The following RPS28 variants were observed in gnomAD, a reference collection of about 807,000 sequenced individuals.
RPS28 encodes ribosomal protein S28, also known as small ribosomal subunit protein eS28.
RPS28 carries 2 observed loss-of-function variants against 9.4 expected under a neutral mutation model. The ratio of observed to expected loss-of-function variants is 0.21; its 90% CI spans 0.09 to 0.67. The LOEUF is 0.67. Among genes scored for constraint, RPS28 ranks in the 30% least tolerant of loss-of-function variants. The probability of loss-of-function intolerance (pLI) is 0.82; values close to 1 mark genes in which losing one functional copy is unlikely to be tolerated. For missense variants in RPS28, 35 were observed against 95.3 expected (o/e 0.37, Z 2.63); for synonymous variants, 41 against 37.8 (o/e 1.08, Z -0.31).
intron 2 of RPS28, 120 bp downstream of exon 2, chr19:8,321,823 C>A: frequency 6.7e-7 from 1 of 1,500,166 alleles, no homozygotes; most frequent in Non-Finnish European, 9.1e-7. Context: ...TCACGGGGTT[C>A]TGATGGTTCC....
chr19:8,322,597 T>A lies in RPS28; in HGVS notation c.*342T>A, dbSNP rs1380373045. ...AAAACACAAGCGTAGTAGGAATGTT[T>A]TATTAGCAAAGAAGTTTCAGAGAGT... On this transcript the variant is annotated 3_prime_UTR_variant, in exon 4 of 4. Coordinates refer to ENST00000600659, the MANE Select transcript of RPS28 (RefSeq NM_001031.5). 1 of 561,138 alleles carries A rather than the reference T, an allele frequency of 1.8e-6. No homozygotes were observed. Among genetic ancestry groups the A allele is most frequent in the Non-Finnish European group, 3.2e-6 (1 of 315,114 alleles). 34.8% of individuals were successfully genotyped at this position (561,138 alleles called of 1,614,324 possible).
chr19:8,321,616 G>C (rs1431699426), intron 1 of RPS28, 40 bp from the exon 2 acceptor site: 1 of 1,560,278 alleles, frequency 6.4e-7, no homozygotes, highest in Non-Finnish European at 8.7e-7. Flanking sequence ...GATTAGAGGA[G>C]CCAAACGGGC....
At position 8,322,082 on chromosome 19, in the gene RPS28, C is replaced by T. The variant is rs1273132707; in HGVS notation, c.*7C>T. The T allele has an allele frequency of 3.7e-6, 6 of 1,611,456 alleles. No individual in the cohort carries two copies. The highest frequency in any genetic ancestry group is 3.3e-5 in the Admixed American group (2 of 59,840). On this transcript the variant is annotated 3_prime_UTR_variant, in exon 3 of 4. Transcript: ENST00000600659. ...AGCCCGGAGGTTGCGCTGAGCTTGG[C>T]TGCTCGCTGGTGGGTGCAAAGAGGA...
rs1157952522 is a variant in RPS28, at chr19:8,321,547, T to C, written c.17T>C (p.Val6Ala). ...GCCGCCATCATGGACACCAGCCGTG[T>C]GCAGCCTATCAAGCTGGCCAGGGTG... MDTSR[V>A]QPIKLARVTK... The change falls in exon 1 of 4, where the codon GTG (valine) becomes GCG (alanine). Residue 6 changes from valine (V) to alanine (A), a missense_variant. Physicochemically the swap from Val to Ala is moderately conservative, Grantham distance 64. This residue lies in a region of RPS28 where 25 missense variants were observed against 32.5 expected (regional missense o/e 0.77). Coordinates refer to ENST00000600659, the MANE Select transcript of RPS28 (RefSeq NM_001031.5). 2 of 1,588,338 alleles carry C rather than the reference T, an allele frequency of 1.3e-6. No homozygotes were observed. The highest frequency in any genetic ancestry group is 1.8e-5 in the Admixed American group (1 of 56,226).
Position 8,322,636 on chromosome 19 carries a change from C to G in RPS28, c.*381C>G, listed in dbSNP as rs1268427818. 8.4e-6 allele frequency: 5 copies of G among 594,582 alleles called. No individual in the cohort carries two copies. Among genetic ancestry groups the G allele is most frequent in the Non-Finnish European group, 1.5e-5 (5 of 334,328 alleles). The allele number at this position is 594,582 out of a possible 1,614,324, so 36.8% of individuals were successfully genotyped here. ...GTTTCAGAGAGTGGGTGGATCAGGG[C>G]TCTATCACTTGGTCCCCACCTCACC... is the stretch of plus-strand genomic sequence containing the variant. On this transcript the variant is annotated 3_prime_UTR_variant, in exon 4 of 4. Coordinates refer to ENST00000600659, the MANE Select transcript of RPS28 (RefSeq NM_001031.5).
In RPS28 at chr19:8,323,020, A is replaced by C. The variant is rs543265937; in HGVS notation, c.*765A>C. ...CTCACTTAGTGGAGGTTCTTTTACC[A>C]TGGACCCAGGCTGCCTGGTTTGTAT... is the stretch of plus-strand genomic sequence containing the variant. On this transcript the variant is annotated 3_prime_UTR_variant, in exon 4 of 4. Transcript: ENST00000600659. 1.5e-6 allele frequency: 1 copy of C among 682,736 alleles called. No individual in the cohort carries two copies. The highest frequency in any genetic ancestry group is 1.9e-5 in the African/African-American group (1 of 53,310). The allele number at this position is 682,736 out of a possible 1,614,324, so 42.3% of individuals were successfully genotyped here. A position where few individuals can be genotyped will look rare whatever the true frequency, so the allele number is the denominator to read the frequency against.
In RPS28 at chr19:8,321,652, C is replaced by G. The variant is rs373418379; in HGVS notation, c.40-4C>G. 6.4e-7 allele frequency: 1 copy of G among 1,557,102 alleles called. No homozygotes were observed. The highest frequency in any genetic ancestry group is 1.4e-5 in the African/African-American group (1 of 73,344). ...CGGGTCTGAACCCAGCTTCTTTCCT[C>G]CAGGTCACCAAGGTCCTGGGCAGGA... On this transcript the variant is annotated splice_region_variant and splice_polypyrimidine_tract_variant and intron_variant, in intron 1 of 3. Transcript: ENST00000600659.
In RPS28 at chr19:8,322,997, C is replaced by T. The variant is rs1970350507; in HGVS notation, c.*742C>T. The T allele has an allele frequency of 1.2e-6, 1 of 834,198 alleles. No individual in the cohort carries two copies. The highest frequency in any genetic ancestry group is 1.8e-6 in the Non-Finnish European group (1 of 553,368). 51.7% of individuals were successfully genotyped at this position (834,198 alleles called of 1,614,324 possible). ...GAAACGTGGGATTCAGCCCCAGCCT[C>T]ACTTAGTGGAGGTTCTTTTACCATG... is the stretch of plus-strand genomic sequence containing the variant. On this transcript the variant is annotated 3_prime_UTR_variant, in exon 4 of 4. Transcript: ENST00000600659.
rs4147645 is a variant in RPS28, at chr19:8,321,778, T to C, written c.87+75T>C. ...GTGACCTCTACCCTGCCCTAACCCC[T>C]GCCAGCCGGAATCCGGGAGCCGATT... On this transcript the variant is annotated intron_variant, in intron 2 of 3. Coordinates refer to ENST00000600659, the MANE Select transcript of RPS28 (RefSeq NM_001031.5). 76,170 of 1,520,664 alleles carry C rather than the reference T, an allele frequency of 0.05. 4,393 individuals carry two copies. Among genetic ancestry groups the C allele is most frequent in the African/African-American group, 0.3 (21,542 of 72,850 alleles). The allele number at this position is 1,520,664 out of a possible 1,614,324, so 94.2% of individuals were successfully genotyped here. A position where few individuals can be genotyped will look rare whatever the true frequency, so the allele number is the denominator to read the frequency against.
intron 2 of RPS28, 78 bp downstream of exon 2, chr19:8,321,781 C>T: frequency 6.6e-7 from 1 of 1,518,230 alleles, no homozygotes; most frequent in Non-Finnish European, 8.9e-7. Context: ...TAACCCCTGC[C>T]AGCCGGAATC....
intron 3 of RPS28, 32 bp from the exon 4 acceptor site, chr19:8,322,240 T>A: frequency 1.2e-6 from 1 of 854,588 alleles, no homozygotes; most frequent in Non-Finnish European, 1.9e-6. Flanking sequence ...CTGCGGGGCC[T>A]GTCAACATCT....
At position 8,322,085 on chromosome 19, in the gene RPS28, C is replaced by G; in HGVS notation, c.*10C>G. 1.9e-6 allele frequency: 3 copies of G among 1,611,290 alleles called. No homozygotes were observed. The highest frequency in any genetic ancestry group is 2.5e-6 in the Non-Finnish European group (3 of 1,178,320). On this transcript the variant is annotated 3_prime_UTR_variant, in exon 3 of 4. Transcript: ENST00000600659. ...CCGGAGGTTGCGCTGAGCTTGGCTG[C>G]TCGCTGGTGGGTGCAAAGAGGACAC...
In RPS28 at chr19:8,321,523, C is replaced by T. The variant is rs762717751; in HGVS notation, c.-8C>T. The T allele has an allele frequency of 8.2e-6, 13 of 1,583,558 alleles. No homozygotes were observed. In the South Asian group the frequency reaches 1.5e-4, roughly 18 times the overall value. On this transcript the variant is annotated 5_prime_UTR_variant, in exon 1 of 4. Coordinates refer to ENST00000600659, the MANE Select transcript of RPS28 (RefSeq NM_001031.5). ...TCCTCTCCGCCAGACCGCCGCCGCG[C>T]CGCCATCATGGACACCAGCCGTGTG...
Position 8,321,943 on chromosome 19 carries a change from G to T in RPS28, c.88-10G>T, listed in dbSNP as rs759629292. The stretch of plus-strand genomic sequence containing the variant: ...CTTACTTCTTCCTCCACTCCGGTGG[G>T]GACCCGTAGGTGCGCGTGGAATTCA... On this transcript the variant is annotated splice_polypyrimidine_tract_variant and intron_variant, in intron 2 of 3. Coordinates refer to ENST00000600659, the MANE Select transcript of RPS28 (RefSeq NM_001031.5). 5.0e-6 allele frequency: 8 copies of T among 1,611,708 alleles called. No homozygotes were observed. Among genetic ancestry groups the T allele is most frequent in the Non-Finnish European group, 5.9e-6 (7 of 1,179,262 alleles).
At position 8,322,523 on chromosome 19, in the gene RPS28, T is replaced by A. The variant is rs1970335650; in HGVS notation, c.*268T>A. On this transcript the variant is annotated 3_prime_UTR_variant, in exon 4 of 4. Coordinates refer to ENST00000600659, the MANE Select transcript of RPS28 (RefSeq NM_001031.5). ...CGGTCTTGCCAAACGAAGCTTTTCC[T>A]TTTTGAGGCGGGGGGTCGTGTTTGT... The A allele has an allele frequency of 2.1e-6, 1 of 487,242 alleles. No homozygotes were observed. The highest frequency in any genetic ancestry group is 3.8e-6 in the Non-Finnish European group (1 of 264,968). 30.2% of individuals were successfully genotyped at this position (487,242 alleles called of 1,614,324 possible).
rs1970336323 is a variant in RPS28, at chr19:8,322,545, T to G, written c.*290T>G. ...TCCTTTTTGAGGCGGGGGGTCGTGT[T>G]TGTCGATTGCACCCTCTACCCCAAA... On this transcript the variant is annotated 3_prime_UTR_variant, in exon 4 of 4. Coordinates refer to ENST00000600659, the MANE Select transcript of RPS28 (RefSeq NM_001031.5). The G allele has an allele frequency of 4.0e-6, 2 of 504,508 alleles. No individual in the cohort carries two copies. Among genetic ancestry groups the G allele is most frequent in the African/African-American group, 3.9e-5 (2 of 51,756 alleles). The allele number at this position is 504,508 out of a possible 1,614,324, so 31.3% of individuals were successfully genotyped here.
chr19:8,321,856 C>T (rs2145404426), intron 2 of RPS28, 97 bp from the exon 3 acceptor site: 1 of 1,543,746 alleles, frequency 6.5e-7, no homozygotes, highest in East Asian at 2.4e-5. Context: ...GTATTCTGGC[C>T]CCGACACGTT....
chr19:8,322,727 G>A lies in RPS28; in HGVS notation c.*472G>A, dbSNP rs1445868844. ...CCAACTGAAATTGCCTTTCTCTTCG[G>A]CCAGTGTTAGCCTCTGAGCAGGGGA... On this transcript the variant is annotated 3_prime_UTR_variant, in exon 4 of 4. Coordinates refer to ENST00000600659, the MANE Select transcript of RPS28 (RefSeq NM_001031.5). 4 of 765,234 alleles carry A rather than the reference G, an allele frequency of 5.2e-6. No homozygotes were observed. Among genetic ancestry groups the A allele is most frequent in the African/African-American group, 3.5e-5 (2 of 56,710 alleles). The allele number at this position is 765,234 out of a possible 1,614,324, so 47.4% of individuals were successfully genotyped here.
In RPS28 at chr19:8,322,069, G is replaced by A. The variant is rs368264615; in HGVS notation, c.204G>A (p.Leu68=). ...AGTCAGAGCGAGAAGCCCGGAGGTTGCGCTGAGCTTGGCTGCTCGCTGGTG... is the reference window on the plus strand; with the variant it reads ...AGTCAGAGCGAGAAGCCCGGAGGTTACGCTGAGCTTGGCTGCTCGCTGGTG... ...LLESEREARR[L]R is the part of the protein sequence containing the mutation. The change falls in exon 3 of 4, where the codon TTG becomes TTA. Residue 68 remains leucine, a synonymous_variant. Transcript: ENST00000600659. The A allele has an allele frequency of 1.5e-5, 24 of 1,612,488 alleles. No homozygotes were observed. The African/African-American group carries it at 2.9e-4, about 20-fold the overall frequency.
Sources: gnomAD v4.1 joint callset for allele counts on GRCh38, gnomAD v4.1.1 for gene constraint, gnomAD v4.1.1 regional missense constraint, MANE v1.5 for transcripts, NCBI Gene and HGNC (gene_info 2026-07-23, HGNC 2026-07-21) for gene names.